The following SULF1 variants were observed in gnomAD, a reference collection of about 807,000 sequenced individuals.
SULF1 encodes the protein extracellular sulfatase Sulf-1.
A neutral mutation model predicts 110.5 loss-of-function variants in SULF1; 46 were observed. The observed-to-expected ratio is 0.42, with a 90% confidence interval of 0.33 to 0.53. The LOEUF is 0.53. SULF1 is among the 20% of genes least tolerant of loss of function. The probability of loss-of-function intolerance (pLI) is 0.12; values close to 1 mark genes in which losing one functional copy is unlikely to be tolerated. For synonymous variants in SULF1, 371 were observed against 387.1 expected (o/e 0.96, Z 0.49); for missense variants, 941 against 1,094.2 (o/e 0.86, Z 1.98).
chr8:69,561,827 T>G (rs907916486), intron 3 of SULF1, among the ~76,000 whole-genome samples: 1 of 152,252 alleles, frequency 6.6e-6, no homozygotes, highest in African/African-American at 2.4e-5. Flanking sequence ...AACAAGCCAT[T>G]GTTTATCATT....
intron 1 of SULF1, among the ~76,000 whole-genome samples, chr8:69,475,375 G>T (rs1303115329): frequency 4.0e-5 from 6 of 151,446 alleles, no homozygotes; most frequent in African/African-American, 1.5e-4. Flanking sequence ...AAAGAGAGAG[G>T]GGGATAACAA....
At chr8:69,547,666 C>T (rs953944173) in intron 3 of SULF1, among the ~76,000 whole-genome samples, 1 of 152,034 alleles carries the variant, frequency 6.6e-6, no homozygotes, top group Non-Finnish European at 1.5e-5. Flanking sequence ...CAAAGTGTGC[C>T]GTCTGCTCTA....
intron 3 of SULF1, among the ~76,000 whole-genome samples, chr8:69,549,237 CT>C (rs573773637): frequency 2.0e-5 from 3 of 152,134 alleles, no homozygotes; most frequent in East Asian, 1.9e-4. Context: ...GGAGATAACC[CT>C]TTTTTTTGTT....
rs76316652 is a variant in SULF1, at chr8:69,659,530, G to T, written c.*995G>T. ...GCCAAGAGTAGAAAGAAAGGCTGGG[G>T]ATATTTGGGTTGGCTTGGTTTTGAT... On this transcript the variant is annotated 3_prime_UTR_variant, in exon 23 of 23. Transcript: ENST00000402687. 4.4e-4 allele frequency: 108 copies of T among 246,734 alleles called. No homozygotes were observed. The highest frequency in any genetic ancestry group is 2.3e-3 in the African/African-American group (103 of 44,072). The allele number at this position is 246,734 out of a possible 1,614,324, so 15.3% of individuals were successfully genotyped here.
chr8:69,547,880 TAGTG>T (rs1188326662), intron 3 of SULF1, among the ~76,000 whole-genome samples: 16 of 152,154 alleles, frequency 1.1e-4, no homozygotes, highest in African/African-American at 3.9e-4. Context: ...AAATTGCAGG[TAGTG>T]TTAATGCTTA....
chr8:69,486,297 C>T (rs118175467), intron 1 of SULF1, among the ~76,000 whole-genome samples: 4,962 of 145,772 alleles, frequency 0.034, 118 homozygotes, highest in Middle Eastern at 0.056. Flanking sequence ...CATTCTAGTT[C>T]TAAGTAAAGA....
chr8:69,502,023 T>C (rs1810833177), intron 3 of SULF1, 55 bp downstream of exon 3: 1 of 152,240 alleles, frequency 6.6e-6, no homozygotes, highest in African/African-American at 2.4e-5. Context: ...GGGCACTCTA[T>C]GTCACTTGAA....
In SULF1 at chr8:69,554,769, G is replaced by T. The variant is rs138927220; in HGVS notation, c.-133-8770G>T. ...CCGAGGCAGGAGGATCATGAGGTCA[G>T]TAGATCGAGACCATCCTGGCTAACA... On this transcript the variant is annotated intron_variant, in intron 3 of 22. Transcript: ENST00000402687. Among the ~76,000 whole-genome samples the T allele has an allele frequency of 3.3e-3, 497 of 152,034 alleles. 2 individuals carry two copies. Among genetic ancestry groups the T allele is most frequent in the African/African-American group, 0.011 (465 of 41,454 alleles).
At chr8:69,594,255 T>G (rs1197763687) in intron 8 of SULF1, among the ~76,000 whole-genome samples, 1 of 152,174 alleles carries the variant, frequency 6.6e-6, no homozygotes, top group Non-Finnish European at 1.5e-5. Context: ...TTCTCCATGT[T>G]GTTCAGGCTG....
At chr8:69,509,716 G>A (rs545605608) in intron 3 of SULF1, among the ~76,000 whole-genome samples, 85 of 152,304 alleles carry the variant, frequency 5.6e-4, no homozygotes, top group Non-Finnish European at 1.1e-3. Context: ...GTGTCATGAG[G>A]CTGCCCTTCT....
intron 22 of SULF1, among the ~76,000 whole-genome samples, chr8:69,652,432 A>G (rs62512194): frequency 0.05 from 7,660 of 152,302 alleles, 267 homozygotes; most frequent in South Asian, 0.16. Context: ...GCTCTAGAAC[A>G]GTCTATTAGT....
chr8:69,495,233 A>G (rs1810259004), intron 1 of SULF1, among the ~76,000 whole-genome samples: 1 of 152,176 alleles, frequency 6.6e-6, no homozygotes, highest in African/African-American at 2.4e-5. Flanking sequence ...GCATAAAATT[A>G]TCATCTGGAT....
Position 69,591,329 on chromosome 8 carries a change from C to T in SULF1, c.734+2188C>T, listed in dbSNP as rs57297326. The stretch of plus-strand genomic sequence containing the variant: ...CAGCACTTTGGGAGGCCGAGGCGGG[C>T]GGATCACGAGGTCAAGAGATCAAGA... On this transcript the variant is annotated intron_variant, in intron 8 of 22. Coordinates refer to ENST00000402687, the MANE Select transcript of SULF1 (RefSeq NM_001128205.2). 2.5e-3 allele frequency among the ~76,000 whole-genome samples: 384 copies of T among 151,780 alleles called. 2 individuals are homozygous for T. Among genetic ancestry groups the T allele is most frequent in the African/African-American group, 8.4e-3 (349 of 41,374 alleles).
intron 7 of SULF1, among the ~76,000 whole-genome samples, chr8:69,587,401 TGC>T (rs1806544757): frequency 6.6e-6 from 1 of 152,190 alleles, no homozygotes; most frequent in African/African-American, 2.4e-5. Context: ...GCTGTCTTTA[TGC>T]TTGGCCTGAT....
Position 69,502,414 on chromosome 8 carries a change from A to G in SULF1, c.-134+446A>G, listed in dbSNP as rs539242989. 2.6e-5 allele frequency among the ~76,000 whole-genome samples: 4 copies of G among 152,298 alleles called. No individual in the cohort carries two copies. The East Asian group carries it at 7.7e-4, about 29-fold the overall frequency. On this transcript the variant is annotated intron_variant, in intron 3 of 22. Coordinates refer to ENST00000402687, the MANE Select transcript of SULF1 (RefSeq NM_001128205.2). ...TCACAGTTTCTTTCCTTGGCCAGAT[A>G]AACATTAGTGCCAAGAGCTTTCATG...
intron 3 of SULF1, chr8:69,563,226 C>T (rs536307527): frequency 3.9e-5 from 6 of 152,512 alleles, no homozygotes; most frequent in African/African-American, 1.4e-4. Flanking sequence ...TGTGGTTTCC[C>T]TGGCACTGCT....
chr8:69,554,957 C>A (rs1447314484), intron 3 of SULF1, among the ~76,000 whole-genome samples: 2 of 111,208 alleles, frequency 1.8e-5, no homozygotes, highest in Admixed American at 1.3e-4. Flanking sequence ...CCAGCCTGGG[C>A]GACAGGGCGA....
At chr8:69,588,135 T>C (rs993734184) in intron 7 of SULF1, among the ~76,000 whole-genome samples, 2 of 152,220 alleles carry the variant, frequency 1.3e-5, no homozygotes, top group Non-Finnish European at 2.9e-5. Flanking sequence ...GACACACACT[T>C]AAAAGAAGCA....
intron 3 of SULF1, among the ~76,000 whole-genome samples, chr8:69,555,384 G>A (rs1047016220): frequency 2.6e-5 from 4 of 152,214 alleles, no homozygotes; most frequent in African/African-American, 7.2e-5. Flanking sequence ...TGGGCTGGGC[G>A]TGGTGGCTCA....
Sources: allele counts gnomAD v4.1 joint callset (sites outside exome capture counted in the v4.1 genomes callset), GRCh38; gene constraint gnomAD v4.1.1; transcripts MANE v1.5; gene names NCBI Gene and HGNC (gene_info 2026-07-23, HGNC 2026-07-21).